The following ST6GALNAC5 variants were observed in gnomAD, a reference collection of about 807,000 sequenced individuals.
ST6GALNAC5 encodes ST6 N-acetylgalactosaminide alpha-2,6-sialyltransferase 5, also known as alpha-N-acetylgalactosaminide alpha-2,6-sialyltransferase 5.
Under a neutral mutation model 33.6 loss-of-function variants are expected in ST6GALNAC5, and 27 were observed. The observed-to-expected ratio is 0.80, with a 90% CI of 0.59 to 1.11. The LOEUF (loss-of-function observed/expected upper bound fraction) is 1.11, where lower values mean the gene tolerates loss of function less well. Ranked by LOEUF, ST6GALNAC5 falls within the 50% of genes least tolerant of loss-of-function variation. The pLI, the probability that ST6GALNAC5 is intolerant of heterozygous loss-of-function variation, is 0.00. For synonymous variants in ST6GALNAC5, 194 were observed against 171.2 expected, an observed-to-expected ratio of 1.13 and a Z score of -1.04; for missense variants, 428 against 454.0, an observed-to-expected ratio of 0.94 and a Z score of 0.52.
chr1:76,994,765 G>A (rs1218128064), intron 2 of ST6GALNAC5, among the ~76,000 whole-genome samples: 1 of 152,176 alleles, frequency 6.6e-6, no homozygotes, highest in African/African-American at 2.4e-5. Flanking sequence ...CCAGTTGAAA[G>A]CAGCAAAGTT....
intron 2 of ST6GALNAC5, among the ~76,000 whole-genome samples, chr1:76,964,764 C>T (rs958090822): frequency 6.6e-6 from 1 of 152,088 alleles, no homozygotes; most frequent in Non-Finnish European, 1.5e-5. Context: ...CCCCTGACCC[C>T]ACCCCATGAC....
intron 2 of ST6GALNAC5, among the ~76,000 whole-genome samples, chr1:76,896,692 C>T (rs528741186): frequency 5.3e-5 from 8 of 152,018 alleles, no homozygotes; most frequent in East Asian, 3.9e-4. Context: ...TGGTAATTGT[C>T]GGACTTAAAG....
chr1:76,959,591 C>T (rs1360937507), intron 2 of ST6GALNAC5, among the ~76,000 whole-genome samples: 1 of 152,150 alleles, frequency 6.6e-6, no homozygotes. Context: ...TGGACAGGAC[C>T]AGGGATGATC....
At chr1:77,003,655 C>T (rs1212684111) in intron 2 of ST6GALNAC5, among the ~76,000 whole-genome samples, 1 of 152,018 alleles carries the variant, frequency 6.6e-6, no homozygotes, top group Non-Finnish European at 1.5e-5. Flanking sequence ...ATGTTTAGCG[C>T]TTCCTTCAGG....
At chr1:76,918,923 A>G (rs1458138975) in intron 2 of ST6GALNAC5, among the ~76,000 whole-genome samples, 1 of 152,268 alleles carries the variant, frequency 6.6e-6, no homozygotes, top group East Asian at 1.9e-4. Flanking sequence ...ATTCATAGGT[A>G]AGGTTTACTA....
intron 2 of ST6GALNAC5, among the ~76,000 whole-genome samples, chr1:77,039,233 C>T (rs1252892192): frequency 1.3e-5 from 2 of 152,216 alleles, no homozygotes; most frequent in East Asian, 3.9e-4. Context: ...TTTTCCTGGG[C>T]ATTTTTCACC....
At chr1:77,045,923 C>T (rs1186054808) in intron 3 of ST6GALNAC5, among the ~76,000 whole-genome samples, 1 of 152,142 alleles carries the variant, frequency 6.6e-6, no homozygotes, top group African/African-American at 2.4e-5. Context: ...GTTGTGAGGG[C>T]CTGGACAAGT....
chr1:76,973,256 T>C (rs1199515899), intron 2 of ST6GALNAC5, among the ~76,000 whole-genome samples: 1 of 151,818 alleles, frequency 6.6e-6, no homozygotes, highest in East Asian at 1.9e-4. Context: ...ATAAAGAAAC[T>C]TATTTAAAAG....
At chr1:76,979,506 G>A (rs1204913147) in intron 2 of ST6GALNAC5, among the ~76,000 whole-genome samples, 1 of 152,156 alleles carries the variant, frequency 6.6e-6, no homozygotes, top group South Asian at 2.1e-4. Flanking sequence ...TCACAAAGAT[G>A]CCAATAACAT....
intron 2 of ST6GALNAC5, among the ~76,000 whole-genome samples, chr1:76,999,189 C>T (rs539234047): frequency 3.7e-4 from 56 of 152,260 alleles, no homozygotes; most frequent in South Asian, 8.3e-4. Flanking sequence ...AGGGATTTCC[C>T]TTGTAGCGTG....
intron 2 of ST6GALNAC5, among the ~76,000 whole-genome samples, chr1:76,915,066 A>G (rs1307362575): frequency 1.3e-5 from 2 of 152,142 alleles, no homozygotes; most frequent in East Asian, 3.8e-4. Context: ...GAAGACATTT[A>G]TGCAGCCAAA....
intron 2 of ST6GALNAC5, among the ~76,000 whole-genome samples, chr1:76,915,191 C>T (rs1646957635): frequency 6.6e-6 from 1 of 151,228 alleles, no homozygotes; most frequent in Non-Finnish European, 1.5e-5. Context: ...AGTCAGGAAA[C>T]AACAGGTGCT....
At position 77,064,472 on chromosome 1, in the gene ST6GALNAC5, T is replaced by C. The variant is rs949941336; in HGVS notation, c.*1266T>C. 2 of 151,946 alleles carry C rather than the reference T, an allele frequency of 1.3e-5. No homozygotes were observed. Among genetic ancestry groups the C allele is most frequent in the African/African-American group, 4.8e-5 (2 of 41,328 alleles). 9.4% of individuals were successfully genotyped at this position (151,946 alleles called of 1,614,324 possible). On this transcript the variant is annotated 3_prime_UTR_variant, in exon 5 of 5. Coordinates refer to ENST00000477717, the MANE Select transcript of ST6GALNAC5 (RefSeq NM_030965.3). The stretch of plus-strand genomic sequence containing the variant: ...GCTCCAAGGGGTTCCCTGGCTACAA[T>C]AGCAAACAGCTGCCCTTCTGTGAGG...
chr1:76,997,136 G>A (rs1187525982), intron 2 of ST6GALNAC5, among the ~76,000 whole-genome samples: 2 of 152,182 alleles, frequency 1.3e-5, no homozygotes, highest in Admixed American at 6.5e-5. Context: ...TTCTTTGTGT[G>A]CTTTTTTCAT....
intron 3 of ST6GALNAC5, among the ~76,000 whole-genome samples, chr1:77,046,958 C>T (rs1652034154): frequency 6.6e-6 from 1 of 152,206 alleles, no homozygotes; most frequent in Admixed American, 6.5e-5. Flanking sequence ...GAACCCTTCT[C>T]ACAGCAAGGC....
intron 2 of ST6GALNAC5, among the ~76,000 whole-genome samples, chr1:76,895,319 C>T (rs1233147836): frequency 2.6e-5 from 4 of 151,600 alleles, no homozygotes; most frequent in Non-Finnish European, 4.4e-5. Flanking sequence ...AGAGAATGGG[C>T]GATGTTTCTC....
At chr1:77,036,211 A>C (rs2100453655) in intron 2 of ST6GALNAC5, among the ~76,000 whole-genome samples, 1 of 152,354 alleles carries the variant, frequency 6.6e-6, no homozygotes, top group African/African-American at 2.4e-5. Flanking sequence ...TGTCCAGAAA[A>C]GGCCAATCTT....
chr1:76,997,189 A>G (rs1649971490), intron 2 of ST6GALNAC5, among the ~76,000 whole-genome samples: 1 of 152,234 alleles, frequency 6.6e-6, no homozygotes, highest in South Asian at 2.1e-4. Context: ...AAACCTGTTG[A>G]GTAGAAACTT....
chr1:76,996,571 C>G (rs1397814793), intron 2 of ST6GALNAC5, among the ~76,000 whole-genome samples: 1 of 152,248 alleles, frequency 6.6e-6, no homozygotes, highest in East Asian at 1.9e-4. Flanking sequence ...TTTGCACAAA[C>G]GTTAACAACT....
Sources: allele counts gnomAD v4.1 joint callset (sites outside exome capture counted in the v4.1 genomes callset), GRCh38; gene constraint gnomAD v4.1.1; transcripts MANE v1.5; gene names NCBI Gene and HGNC (gene_info 2026-07-23, HGNC 2026-07-21).